PPP2R5E: variants seen among roughly 807,000 people sequenced by gnomAD.
PPP2R5E encodes the protein serine/threonine-protein phosphatase 2A 56 kDa regulatory subunit epsilon isoform.
Under a neutral mutation model 65.3 loss-of-function variants are expected in PPP2R5E, and 4 were observed. The ratio of observed to expected loss-of-function variants is 0.06; its 90% CI spans 0.03 to 0.14. PPP2R5E has a LOEUF of 0.14. PPP2R5E is among the 10% of genes least tolerant of loss of function. PPP2R5E has a pLI of 1.00. For synonymous variants in PPP2R5E, 183 were observed against 187.4 expected, an observed-to-expected ratio of 0.98 and a Z score of 0.19; for missense variants, 274 against 556.1, an observed-to-expected ratio of 0.49 and a Z score of 5.10.
At position 63,475,560 on chromosome 14, in the gene PPP2R5E, G is replaced by GT. The variant is rs1335836994; in HGVS notation, c.158-21676dup. 3.9e-5 allele frequency among the ~76,000 whole-genome samples: 6 copies of GT among 152,152 alleles called. No individual in the cohort carries two copies. The South Asian group carries it at 8.3e-4, about 21-fold the overall frequency. ...ATATCCAGATGTTCAATATATCACTGTTTTTTTATATATTACAATTAGTTT... is the reference window on the plus strand; with the variant it reads ...ATATCCAGATGTTCAATATATCACTGTTTTTTTTATATATTACAATTAGTTT... On this transcript the variant is annotated intron_variant, in intron 2 of 13. Transcript: ENST00000337537.
Position 63,509,161 on chromosome 14 carries a change from A to G in PPP2R5E, c.157+30368T>C, listed in dbSNP as rs1892346493. On this transcript the variant is annotated intron_variant, in intron 2 of 13. Transcript: ENST00000337537. ...TTCTCTAGGCCTGTGTAGACTGCAA[A>G]TATTTCCATTACAGTTGCTTTTGGG... is the stretch of plus-strand genomic sequence containing the variant. Among the ~76,000 whole-genome samples, 3 of 151,700 alleles carry G rather than the reference A, an allele frequency of 2.0e-5. No homozygotes were observed. In the South Asian group the frequency reaches 6.2e-4, roughly 32 times the overall value.
At position 63,485,809 on chromosome 14, in the gene PPP2R5E, T is replaced by C. The variant is rs149066550; in HGVS notation, c.158-31924A>G. On this transcript the variant is annotated intron_variant, in intron 2 of 13. Transcript: ENST00000337537. ...ATTAACACTATTATCTTTGTCATTG[T>C]ACATATACTGACAAACTTTTTTTTT... Among the ~76,000 whole-genome samples, 830 of 151,670 alleles carry C rather than the reference T, an allele frequency of 5.5e-3. 10 individuals carry two copies. Among genetic ancestry groups the C allele is most frequent in the African/African-American group, 0.019 (782 of 41,272 alleles).
intron 2 of PPP2R5E, among the ~76,000 whole-genome samples, chr14:63,510,616 C>T (rs1410568495): frequency 6.6e-6 from 1 of 152,120 alleles, no homozygotes; most frequent in Non-Finnish European, 1.5e-5. Flanking sequence ...GTAGAGAAAA[C>T]CACAAATGCA....
intron 3 of PPP2R5E, 57 bp from the exon 4 acceptor site, chr14:63,422,151 A>T: frequency 6.9e-7 from 1 of 1,443,108 alleles, no homozygotes; most frequent in Non-Finnish European, 9.7e-7. Context: ...AGTTTTACAC[A>T]AGGTCCTTGG....
intron 2 of PPP2R5E, among the ~76,000 whole-genome samples, chr14:63,526,038 T>C (rs1030260460): frequency 6.6e-6 from 1 of 151,898 alleles, no homozygotes; most frequent in African/African-American, 2.4e-5. Flanking sequence ...TTTTGTATTT[T>C]TAGTAGAGAT....
chr14:63,418,091 G>C (rs1406270735), intron 4 of PPP2R5E, among the ~76,000 whole-genome samples: 3 of 152,084 alleles, frequency 2.0e-5, no homozygotes, highest in African/African-American at 7.2e-5. Context: ...CTTTCCTAAT[G>C]ATCCGGACGT....
intron 13 of PPP2R5E, among the ~76,000 whole-genome samples, chr14:63,377,059 G>C (rs1419215994): frequency 6.6e-6 from 1 of 152,008 alleles, no homozygotes; most frequent in Non-Finnish European, 1.5e-5. Context: ...CTTGAACCCG[G>C]GGGGCGGAGA....
intron 2 of PPP2R5E, chr14:63,508,281 T>C: frequency 4.5e-6 from 4 of 893,518 alleles, no homozygotes; most frequent in Non-Finnish European, 5.4e-6. Flanking sequence ...CCCAATGCTA[T>C]GGCAACCCCC....
intron 3 of PPP2R5E, among the ~76,000 whole-genome samples, chr14:63,426,148 T>C (rs374636328): frequency 6.6e-6 from 1 of 152,198 alleles, no homozygotes; most frequent in Non-Finnish European, 1.5e-5. Flanking sequence ...TCAAGTGTCA[T>C]AGAAATGGCC....
intron 2 of PPP2R5E, among the ~76,000 whole-genome samples, chr14:63,458,179 C>G (rs1306012539): frequency 6.6e-6 from 1 of 152,220 alleles, no homozygotes; most frequent in Non-Finnish European, 1.5e-5. Flanking sequence ...CAAAGATTCT[C>G]TTTGTATCTA....
In PPP2R5E at chr14:63,399,366, CTTTTTTTTTTTT is replaced by C. The variant is rs397814218; in HGVS notation, c.550-2662_550-2651del. On this transcript the variant is annotated intron_variant, in intron 5 of 13. Coordinates refer to ENST00000337537, the MANE Select transcript of PPP2R5E (RefSeq NM_006246.5). ...GCTACTAATAGGTCTGGATTTCTTT[CTTTTTTTTTTTT>C]TTTTTTTTTTTTTTTTTTTTGAGAC... Among the ~76,000 whole-genome samples, 841 of 48,606 alleles carry C rather than the reference CTTTTTTTTTTTT, an allele frequency of 0.017. 35 individuals carry two copies. The East Asian group carries it at 0.19, about 11-fold the overall frequency. 31.9% of individuals were successfully genotyped at this position (48,606 alleles called of 152,430 possible). A position where few individuals can be genotyped will look rare whatever the true frequency, so the allele number is the denominator to read the frequency against.
chr14:63,510,978 A>C (rs1314036229), intron 2 of PPP2R5E, among the ~76,000 whole-genome samples: 1 of 152,242 alleles, frequency 6.6e-6, no homozygotes, highest in Non-Finnish European at 1.5e-5. Context: ...GATTCTAGAC[A>C]TATTTCAAAA....
intron 11 of PPP2R5E, 131 bp downstream of exon 11, chr14:63,389,481 A>T: frequency 9.0e-7 from 1 of 1,114,132 alleles, no homozygotes; most frequent in Non-Finnish European, 1.2e-6. Flanking sequence ...GGCCACTATT[A>T]AAATTATCAT....
At chr14:63,450,567 T>C (rs1348130541) in intron 3 of PPP2R5E, among the ~76,000 whole-genome samples, 2 of 152,320 alleles carry the variant, frequency 1.3e-5, no homozygotes, top group East Asian at 3.9e-4. Flanking sequence ...AAAATCTGGG[T>C]ATAATCCAAT....
intron 11 of PPP2R5E, among the ~76,000 whole-genome samples, chr14:63,385,479 G>C (rs1403369726): frequency 1.3e-5 from 2 of 152,126 alleles, no homozygotes; most frequent in Non-Finnish European, 2.9e-5. Flanking sequence ...ACATCTCACT[G>C]GTCCCCTTTC....
chr14:63,401,959 G>C (rs898165887), intron 5 of PPP2R5E, among the ~76,000 whole-genome samples: 2 of 151,636 alleles, frequency 1.3e-5, no homozygotes, highest in African/African-American at 4.9e-5. Context: ...AGGAGGACTG[G>C]TTGAAAGTCT....
At position 63,524,378 on chromosome 14, in the gene PPP2R5E, C is replaced by T. The variant is rs145358856; in HGVS notation, c.157+15151G>A. On this transcript the variant is annotated intron_variant, in intron 2 of 13. Coordinates refer to ENST00000337537, the MANE Select transcript of PPP2R5E (RefSeq NM_006246.5). ...GAGGGAACGCATATTTATTAAGCAG[C>T]CAACCACTATTCAGACAGTTTACCC... Among the ~76,000 whole-genome samples the T allele has an allele frequency of 1.3e-3, 194 of 152,284 alleles. 1 individual carries two copies. Among genetic ancestry groups the T allele is most frequent in the African/African-American group, 4.4e-3 (184 of 41,560 alleles).
chr14:63,386,530 T>C (rs997643423), intron 11 of PPP2R5E, among the ~76,000 whole-genome samples: 1 of 152,106 alleles, frequency 6.6e-6, no homozygotes, highest in Non-Finnish European at 1.5e-5. Context: ...CTGTGACAGA[T>C]GCTATATCAG....
At chr14:63,499,235 A>AT (rs2139660647) in intron 2 of PPP2R5E, among the ~76,000 whole-genome samples, 1 of 152,304 alleles carries the variant, frequency 6.6e-6, no homozygotes, top group East Asian at 1.9e-4. Flanking sequence ...AATTTTGAAC[A>AT]TATCACAGGT....
Sources: allele counts gnomAD v4.1 joint callset (sites outside exome capture counted in the v4.1 genomes callset), GRCh38; gene constraint gnomAD v4.1.1; transcripts MANE v1.5; gene names NCBI Gene and HGNC (gene_info 2026-07-23, HGNC 2026-07-21).